The following SUMF1 variants were observed in gnomAD, a reference collection of about 807,000 sequenced individuals.
SUMF1 encodes the protein sulfatase modifying factor 1.
In SUMF1, 48 loss-of-function variants were observed where a neutral mutation model predicts 47.6. That is an observed-to-expected ratio of 1.01 (90% CI 0.80 to 1.28). The LOEUF is 1.28. SUMF1 is among the 50% of genes most tolerant of loss of function. SUMF1 has a pLI of 0.00. For missense variants in SUMF1, 571 were observed against 485.4 expected (o/e 1.18, Z -1.66); for synonymous variants, 230 against 192.1 (o/e 1.20, Z -1.63).
At chr3:4,159,688 T>C (rs1474053436) in intron 8 of SUMF1, among the ~76,000 whole-genome samples, 1 of 152,152 alleles carries the variant, frequency 6.6e-6, no homozygotes, top group Non-Finnish European at 1.5e-5. Context: ...ATCCTTTTCT[T>C]AACCCTTTTC....
chr3:4,336,800 T>C (rs1444684411), intron 8 of SUMF1, among the ~76,000 whole-genome samples: 1 of 152,260 alleles, frequency 6.6e-6, no homozygotes, highest in Non-Finnish European at 1.5e-5. Context: ...AACCATAGTT[T>C]CATACATGTT....
At chr3:4,139,062 CTTAA>C (rs1217671451) in intron 8 of SUMF1, among the ~76,000 whole-genome samples, 1 of 152,014 alleles carries the variant, frequency 6.6e-6, no homozygotes, top group African/African-American at 2.4e-5. Context: ...TGAATCAGAG[CTTAA>C]TTTATTATTT....
chr3:4,360,899 G>T (rs1183510801), downstream of SUMF1, among the ~76,000 whole-genome samples: 1 of 152,140 alleles, frequency 6.6e-6, no homozygotes, highest in Admixed American at 6.5e-5. Context: ...AAGACCACAA[G>T]TGAGGCAGTG....
intron 8 of SUMF1, among the ~76,000 whole-genome samples, chr3:4,362,785 G>A (rs371836978): frequency 8.5e-5 from 13 of 152,188 alleles, no homozygotes; most frequent in African/African-American, 2.4e-4. Context: ...ATGGTGGTGT[G>A]CACTTGTAGT....
chr3:4,118,142 A>G (rs1425363448), intron 8 of SUMF1, among the ~76,000 whole-genome samples: 1 of 152,022 alleles, frequency 6.6e-6, no homozygotes, highest in Non-Finnish European at 1.5e-5. Flanking sequence ...TCCTCTCCCC[A>G]CAAGACATAG....
intron 8 of SUMF1, among the ~76,000 whole-genome samples, chr3:4,320,082 CATT>C (rs1194895975): frequency 6.6e-6 from 1 of 152,158 alleles, no homozygotes; most frequent in Non-Finnish European, 1.5e-5. Context: ...GTATACATGA[CATT>C]GTGTATTTGT....
chr3:4,276,955 G>A (rs1697431792), intron 8 of SUMF1, among the ~76,000 whole-genome samples: 1 of 152,150 alleles, frequency 6.6e-6, no homozygotes, highest in Non-Finnish European at 1.5e-5. Flanking sequence ...CCTTCAGGAT[G>A]TTCTGAGGGA....
intron 8 of SUMF1, among the ~76,000 whole-genome samples, chr3:4,197,792 A>T (rs1695460505): frequency 6.6e-6 from 1 of 152,142 alleles, no homozygotes; most frequent in Non-Finnish European, 1.5e-5. Context: ...AGAAAAACCA[A>T]GCAAAACGCG....
intron 8 of SUMF1, among the ~76,000 whole-genome samples, chr3:4,237,384 T>C (rs941963585): frequency 2.0e-5 from 3 of 152,138 alleles, no homozygotes; most frequent in African/African-American, 7.2e-5. Flanking sequence ...ACATATGATG[T>C]TGAACATATT....
chr3:4,166,596 T>C (rs1367149011), intron 8 of SUMF1, among the ~76,000 whole-genome samples: 1 of 152,060 alleles, frequency 6.6e-6, no homozygotes. Flanking sequence ...CAGGAGTGGT[T>C]TTTAGAAGCA....
intron 9 of SUMF1, among the ~76,000 whole-genome samples, chr3:4,064,230 A>C (rs811254): frequency 6.6e-6 from 1 of 152,042 alleles, no homozygotes; most frequent in Non-Finnish European, 1.5e-5. Flanking sequence ...AAAAAAGCTG[A>C]CCAAAACTCA....
intron 8 of SUMF1, among the ~76,000 whole-genome samples, chr3:4,259,898 C>A (rs894599771): frequency 3.3e-5 from 5 of 151,152 alleles, no homozygotes; most frequent in Non-Finnish European, 7.4e-5. Flanking sequence ...TTTTTTTAAC[C>A]AACGGAGATA....
intron 8 of SUMF1, 46 bp downstream of exon 8, chr3:4,376,284 T>C: frequency 6.2e-7 from 1 of 1,607,038 alleles, no homozygotes; most frequent in Non-Finnish European, 8.5e-7. Context: ...TCCATAAAAC[T>C]GCTATCAGAA....
intron 7 of SUMF1, among the ~76,000 whole-genome samples, chr3:4,395,047 A>G (rs1172370509): frequency 1.3e-5 from 2 of 152,192 alleles, no homozygotes; most frequent in Non-Finnish European, 2.9e-5. Flanking sequence ...AATCCTTATC[A>G]TCGTATTTCA....
intron 7 of SUMF1, among the ~76,000 whole-genome samples, chr3:4,393,566 CAA>C (rs1255548877): frequency 3.9e-5 from 6 of 152,088 alleles, no homozygotes; most frequent in Non-Finnish European, 1.5e-5. Context: ...ATCCTGGCCT[CAA>C]GAGATCATCC....
Position 4,254,196 on chromosome 3 carries a change from A to C in SUMF1, c.1014+122134T>G, listed in dbSNP as rs573684844. 8.0e-4 allele frequency among the ~76,000 whole-genome samples: 122 copies of C among 152,178 alleles called. 2 individuals are homozygous for C. Among genetic ancestry groups the C allele is most frequent in the Non-Finnish European group, 1.4e-3 (94 of 67,946 alleles). On this transcript the variant is annotated intron_variant and NMD_transcript_variant, in intron 8 of 12. Coordinates refer to the SUMF1 transcript ENST00000448413. ...AACAGAAAAACTGGAAACTCTAAAA[A>C]GCAGAGCGCCTCTCCTCCTCCAAAG...
intron 8 of SUMF1, among the ~76,000 whole-genome samples, chr3:4,350,936 C>T (rs371629658): frequency 6.9e-6 from 1 of 144,130 alleles, no homozygotes; most frequent in South Asian, 2.4e-4. Context: ...ATTTGTACAA[C>T]AAAAAAAGAA....
At chr3:4,463,456 C>T (rs1241833810) in intron 1 of SUMF1, among the ~76,000 whole-genome samples, 2 of 152,240 alleles carry the variant, frequency 1.3e-5, no homozygotes, top group South Asian at 2.1e-4. Flanking sequence ...CACCACTGCA[C>T]TCCAGCCTGG....
At chr3:4,423,518 G>C (rs7617643) in intron 3 of SUMF1, among the ~76,000 whole-genome samples, 1 of 152,142 alleles carries the variant, frequency 6.6e-6, no homozygotes, top group African/African-American at 2.4e-5. Flanking sequence ...GGTTACAAAT[G>C]TTTATTGAGC....
Sources: allele counts gnomAD v4.1 joint callset (sites outside exome capture counted in the v4.1 genomes callset), GRCh38; gene constraint gnomAD v4.1.1; transcripts MANE v1.5; gene names NCBI Gene and HGNC (gene_info 2026-07-23, HGNC 2026-07-21).